SLA: variants seen among roughly 807,000 people sequenced by gnomAD.
SLA encodes src-like-adapter.
Under a neutral mutation model 30.3 loss-of-function variants are expected in SLA, and 16 were observed. That is an observed-to-expected ratio of 0.53 (90% CI 0.36 to 0.80). The LOEUF is 0.80. SLA is among the 30% of genes least tolerant of loss of function. The probability of loss-of-function intolerance (pLI) is 0.01; values close to 1 mark genes in which losing one functional copy is unlikely to be tolerated. For missense variants in SLA, 310 were observed against 345.2 expected (o/e 0.90, Z 0.81); for synonymous variants, 143 against 137.8 (o/e 1.04, Z -0.26).
chr8:133,059,889 G>T (rs1842110284), intron 3 of SLA, among the ~76,000 whole-genome samples: 1 of 152,186 alleles, frequency 6.6e-6, no homozygotes, highest in South Asian at 2.1e-4. Context: ...CCAAAGATTT[G>T]ACACCCTTCA....
chr8:133,067,842 CAG>C (rs1209031571), intron 2 of SLA, among the ~76,000 whole-genome samples: 46 of 126,888 alleles, frequency 3.6e-4, no homozygotes, highest in African/African-American at 8.7e-4. Flanking sequence ...GAGAGAGAGA[CAG>C]AGAGAGAGAG....
At chr8:133,053,807 C>T (rs1840865189) in intron 3 of SLA, among the ~76,000 whole-genome samples, 1 of 152,140 alleles carries the variant, frequency 6.6e-6, no homozygotes, top group Non-Finnish European at 1.5e-5. Flanking sequence ...TTCACAATAA[C>T]AAAGTTAAGT....
intron 8 of SLA, among the ~76,000 whole-genome samples, chr8:133,038,979 G>C (rs1053773291): frequency 2.0e-5 from 3 of 152,156 alleles, no homozygotes; most frequent in African/African-American, 7.2e-5. Context: ...CCAGGCTCAA[G>C]CGATTCTCCC....
At chr8:133,101,221 A>C (rs1849207564) in intron 1 of SLA, among the ~76,000 whole-genome samples, 1 of 152,166 alleles carries the variant, frequency 6.6e-6, no homozygotes. Flanking sequence ...CCCCACACAG[A>C]ACTGCAAGAG....
At chr8:133,071,654 G>A (rs1024627383) in intron 2 of SLA, among the ~76,000 whole-genome samples, 12 of 151,962 alleles carry the variant, frequency 7.9e-5, no homozygotes, top group African/African-American at 2.7e-4. Flanking sequence ...GGGGAGGAGT[G>A]GGGGGAGGAG....
At chr8:133,090,629 T>A (rs780858707) in intron 1 of SLA, among the ~76,000 whole-genome samples, 1 of 152,228 alleles carries the variant, frequency 6.6e-6, no homozygotes, top group African/African-American at 2.4e-5. Context: ...ACATTCCTAA[T>A]GATGAATACA....
At chr8:133,051,160 A>C (rs920528193) in intron 3 of SLA, among the ~76,000 whole-genome samples, 35 of 152,130 alleles carry the variant, frequency 2.3e-4, no homozygotes, top group African/African-American at 7.7e-4. Context: ...TCATGTTCTC[A>C]TCTGAGAAAT....
intron 1 of SLA, among the ~76,000 whole-genome samples, chr8:133,099,129 C>A (rs1423657804): frequency 5.9e-5 from 9 of 152,200 alleles, no homozygotes; most frequent in African/African-American, 1.2e-4. Flanking sequence ...CTGGAGAAGC[C>A]AGCATTGAAG....
At chr8:133,072,299 G>A (rs1363317361) in intron 2 of SLA, among the ~76,000 whole-genome samples, 2 of 152,206 alleles carry the variant, frequency 1.3e-5, no homozygotes, top group Non-Finnish European at 2.9e-5. Flanking sequence ...TCCTCCCTTA[G>A]CGGTTCTCAG....
At chr8:133,075,170 T>C (rs1235908417) in intron 1 of SLA, 40 bp from the exon 2 acceptor site, 28 of 962,536 alleles carry the variant, frequency 2.9e-5, no homozygotes, top group Non-Finnish European at 3.3e-5. Context: ...TTACAAAGCA[T>C]TTGAGAATAT....
intron 1 of SLA, among the ~76,000 whole-genome samples, chr8:133,077,997 T>C (rs1029640806): frequency 6.6e-6 from 1 of 152,202 alleles, no homozygotes; most frequent in East Asian, 1.9e-4. Context: ...GTGTGAAGGT[T>C]GTTCTTTCTT....
chr8:133,075,337 G>A (rs140579149), intron 1 of SLA, among the ~76,000 whole-genome samples: 6 of 152,210 alleles, frequency 3.9e-5, no homozygotes, highest in East Asian at 1.9e-4. Context: ...CTCTGATTTC[G>A]GTTTCCCAAT....
intron 1 of SLA, chr8:133,096,196 T>A: frequency 6.2e-7 from 1 of 1,614,242 alleles, no homozygotes; most frequent in East Asian, 2.2e-5. Flanking sequence ...TATTGTTGCA[T>A]CCAATGCAGC....
Position 133,040,215 on chromosome 8 carries a change from C to A in SLA, c.485-85G>T, listed in dbSNP as rs527803630. ...TTCAGGCCTGAGACACTCTCCAGTG[C>A]AGCTCCCTGGCTGCTGCCATGGGGA... is the stretch of plus-strand genomic sequence containing the variant. On this transcript the variant is annotated intron_variant, in intron 7 of 8. Transcript: ENST00000338087. The A allele has an allele frequency of 1.9e-5, 27 of 1,433,946 alleles. No individual in the cohort carries two copies. In the South Asian group the frequency reaches 3.2e-4, roughly 17 times the overall value. 88.8% of individuals were successfully genotyped at this position (1,433,946 alleles called of 1,614,324 possible).
chr8:133,052,038 C>T (rs1238386397), intron 3 of SLA, among the ~76,000 whole-genome samples: 1 of 152,142 alleles, frequency 6.6e-6, no homozygotes, highest in Non-Finnish European at 1.5e-5. Flanking sequence ...CCCTGGTTCG[C>T]TCACCCCAAG....
At chr8:133,096,104 A>T in intron 1 of SLA, 1 of 1,431,420 alleles carries the variant, frequency 7.0e-7, no homozygotes, top group Non-Finnish European at 9.8e-7. Context: ...AGAGTCATAG[A>T]TGGATAACCA....
chr8:133,098,895 A>G (rs1848837290), intron 1 of SLA, among the ~76,000 whole-genome samples: 1 of 152,200 alleles, frequency 6.6e-6, no homozygotes, highest in Non-Finnish European at 1.5e-5. Context: ...CCCTGGTTCA[A>G]GCACGGTCCC....
intron 2 of SLA, among the ~76,000 whole-genome samples, chr8:133,065,505 T>G (rs1041505595): frequency 1.3e-5 from 2 of 152,196 alleles, no homozygotes; most frequent in African/African-American, 4.8e-5. Flanking sequence ...CTCACACCTG[T>G]GATCCTAGCA....
At chr8:133,071,105 T>C (rs2739148) in intron 2 of SLA, among the ~76,000 whole-genome samples, 122,440 of 152,168 alleles carry the variant, frequency 0.8, 49,386 homozygotes, top group Admixed American at 0.84. Flanking sequence ...TGTGTCCACC[T>C]CAGATTGGTG....
Sources: gnomAD v4.1 joint callset for allele counts (sites outside exome capture counted in the v4.1 genomes callset) on GRCh38, gnomAD v4.1.1 for gene constraint, MANE v1.5 for transcripts, NCBI Gene and HGNC (gene_info 2026-07-23, HGNC 2026-07-21) for gene names.